The following CALB2 variants were observed in gnomAD, a reference collection of about 807,000 sequenced individuals.
CALB2 encodes calretinin.
CALB2 carries 34 observed loss-of-function variants against 45.9 expected under a neutral mutation model. That is an observed-to-expected ratio of 0.74 (90% CI 0.56 to 0.99). The LOEUF (loss-of-function observed/expected upper bound fraction) is 0.99. Among genes scored for constraint, CALB2 ranks in the 50% least tolerant of loss-of-function variants. CALB2 has a pLI of 0.00. For synonymous variants in CALB2, 142 were observed against 129.6 expected, an observed-to-expected ratio of 1.10 and a Z score of -0.65; for missense variants, 344 against 339.3, an observed-to-expected ratio of 1.01 and a Z score of -0.11.
intron 10 of CALB2, among the ~76,000 whole-genome samples, chr16:71,386,403 G>A (rs987090837): frequency 2.6e-5 from 4 of 152,230 alleles, no homozygotes; most frequent in Non-Finnish European, 5.9e-5. Flanking sequence ...AGTGAGAGGT[G>A]AAGGGCTATT....
At chr16:71,376,311 G>A (rs1401559898) in intron 3 of CALB2, among the ~76,000 whole-genome samples, 1 of 152,182 alleles carries the variant, frequency 6.6e-6, no homozygotes, top group African/African-American at 2.4e-5. Context: ...ACCATGAGAG[G>A]CTTCTAACAG....
intron 1 of CALB2, among the ~76,000 whole-genome samples, chr16:71,360,877 A>G (rs1204986874): frequency 6.6e-6 from 1 of 152,092 alleles, no homozygotes; most frequent in Non-Finnish European, 1.5e-5. Context: ...GCCAGCGTTT[A>G]TTCTCCCACT....
chr16:71,387,685 C>G (rs886623973), intron 10 of CALB2, among the ~76,000 whole-genome samples: 1 of 152,178 alleles, frequency 6.6e-6, no homozygotes, highest in Non-Finnish European at 1.5e-5. Context: ...AGCCCCTCCC[C>G]CATGCTGCTA....
chr16:71,383,088 G>C (rs1439470730), intron 5 of CALB2, among the ~76,000 whole-genome samples: 3 of 152,190 alleles, frequency 2.0e-5, no homozygotes, highest in Non-Finnish European at 4.4e-5. Flanking sequence ...ATCACCCAGT[G>C]ATTCCCCAGG....
In CALB2 at chr16:71,376,658, GC is replaced by G. The variant is rs533709003; in HGVS notation, c.262-1007del. 3.2e-4 allele frequency among the ~76,000 whole-genome samples: 47 copies of G among 146,002 alleles called. No homozygotes were observed. The East Asian group carries it at 6.8e-3, about 21-fold the overall frequency. On this transcript the variant is annotated intron_variant, in intron 3 of 10. Coordinates refer to ENST00000302628, the MANE Select transcript of CALB2 (RefSeq NM_001740.5). ...ATGCAACCACATGTGCCCACATACA[GC>G]CATATACACCCACATACAACCACAT...
At chr16:71,382,912 G>C in intron 5 of CALB2, 137 bp downstream of exon 5, 1 of 746,582 alleles carries the variant, frequency 1.3e-6, no homozygotes. Flanking sequence ...TGAATTGTTG[G>C]ACTTGTTTAG....
chr16:71,376,289 G>A (rs1016346250), intron 3 of CALB2, among the ~76,000 whole-genome samples: 1 of 152,164 alleles, frequency 6.6e-6, no homozygotes, highest in African/African-American at 2.4e-5. Context: ...CTTGGCCTGA[G>A]GGCCATAGCT....
chr16:71,361,226 G>A (rs2042235612), intron 1 of CALB2, among the ~76,000 whole-genome samples: 1 of 152,192 alleles, frequency 6.6e-6, no homozygotes, highest in South Asian at 2.1e-4. Flanking sequence ...GAAAGGCCAT[G>A]GACCCGACAG....
chr16:71,374,535 T>C (rs548694562), intron 2 of CALB2, among the ~76,000 whole-genome samples: 1 of 152,272 alleles, frequency 6.6e-6, no homozygotes, highest in Admixed American at 6.5e-5. Flanking sequence ...TCCTTTGAAA[T>C]TTATATGACT....
At chr16:71,387,359 A>G (rs933880992) in intron 10 of CALB2, among the ~76,000 whole-genome samples, 1 of 152,202 alleles carries the variant, frequency 6.6e-6, no homozygotes, top group Non-Finnish European at 1.5e-5. Flanking sequence ...TTCCACCTGG[A>G]CCAAGTTTCA....
At chr16:71,384,500 CA>C in intron 8 of CALB2, 122 bp downstream of exon 8, 1 of 797,636 alleles carries the variant, frequency 1.3e-6, no homozygotes, top group Non-Finnish European at 2.2e-6. Context: ...CACACACACA[CA>C]AAACACACCA....
chr16:71,378,780 G>A (rs1208156046), intron 4 of CALB2, among the ~76,000 whole-genome samples: 1 of 152,084 alleles, frequency 6.6e-6, no homozygotes, highest in Non-Finnish European at 1.5e-5. Flanking sequence ...AAAGAAAACC[G>A]TGCCACTCAG....
At chr16:71,383,574 T>A in intron 6 of CALB2, 130 bp downstream of exon 6, 2 of 802,908 alleles carry the variant, frequency 2.5e-6, no homozygotes, top group South Asian at 3.5e-5. Context: ...CAGTGGCAGC[T>A]GGCAAAAAGG....
intron 3 of CALB2, 95 bp from the exon 4 acceptor site, chr16:71,377,572 G>A (rs887273271): frequency 4.2e-5 from 33 of 779,228 alleles, no homozygotes; most frequent in South Asian, 6.4e-5. Flanking sequence ...ACACTGCCTC[G>A]CCACTGGCCC....
At chr16:71,371,292 C>T (rs1003488365) in intron 1 of CALB2, among the ~76,000 whole-genome samples, 1 of 152,114 alleles carries the variant, frequency 6.6e-6, no homozygotes, top group Non-Finnish European at 1.5e-5. Context: ...TCAGGTAGGG[C>T]AGGGGGTGGG....
intron 5 of CALB2, 62 bp downstream of exon 5, chr16:71,382,837 A>C: frequency 1.4e-6 from 2 of 1,454,862 alleles, no homozygotes; most frequent in Non-Finnish European, 1.9e-6. Context: ...GTGCCTGAGG[A>C]GGGAGGAGAT....
chr16:71,379,035 G>A (rs1229791743), intron 4 of CALB2, among the ~76,000 whole-genome samples: 2 of 152,076 alleles, frequency 1.3e-5, no homozygotes, highest in African/African-American at 2.4e-5. Context: ...CCAGCACTTT[G>A]GGAGGCCAAG....
chr16:71,379,009 C>A (rs1357957645), intron 4 of CALB2, among the ~76,000 whole-genome samples: 2 of 152,086 alleles, frequency 1.3e-5, no homozygotes, highest in Non-Finnish European at 2.9e-5. Flanking sequence ...GGTCACTGTG[C>A]CCTATGCCTG....
intron 1 of CALB2, 67 bp downstream of exon 1, chr16:71,358,953 G>C (rs777985465): frequency 2.3e-5 from 33 of 1,407,276 alleles, no homozygotes; most frequent in Non-Finnish European, 3.3e-5. Flanking sequence ...GGGGCAGGGG[G>C]CGGCGCTGAA....
Sources: gnomAD v4.1 joint callset for allele counts (sites outside exome capture counted in the v4.1 genomes callset) on GRCh38, gnomAD v4.1.1 for gene constraint, MANE v1.5 for transcripts, NCBI Gene and HGNC (gene_info 2026-07-23, HGNC 2026-07-21) for gene names.